Variants in RALGPS1 observed in about 807,000 individuals in gnomAD.
RALGPS1 encodes the protein ras-specific guanine nucleotide-releasing factor RalGPS1.
In RALGPS1, 19 loss-of-function variants were observed where a neutral mutation model predicts 78.8. That is an observed-to-expected ratio of 0.24 (90% CI 0.17 to 0.35). The LOEUF (loss-of-function observed/expected upper bound fraction) is 0.35, where lower values mean the gene tolerates loss of function less well. RALGPS1 is among the 10% of genes least tolerant of loss of function. RALGPS1 has a pLI of 1.00. For missense variants in RALGPS1, 454 were observed against 688.3 expected, an observed-to-expected ratio of 0.66 and a Z score of 3.81; for synonymous variants, 228 against 256.3, an observed-to-expected ratio of 0.89 and a Z score of 1.06.
At chr9:127,197,240 T>C (rs2061393558) in intron 13 of RALGPS1, among the ~76,000 whole-genome samples, 1 of 152,094 alleles carries the variant, frequency 6.6e-6, no homozygotes, top group Non-Finnish European at 1.5e-5. Flanking sequence ...CAGGCTGGTG[T>C]TGAGCTCTGG....
intron 14 of RALGPS1, among the ~76,000 whole-genome samples, chr9:127,210,033 A>C (rs1436180459): frequency 6.6e-6 from 1 of 152,316 alleles, no homozygotes; most frequent in East Asian, 1.9e-4. Flanking sequence ...AAGGAGAAAG[A>C]GGGTGCCTCC....
In RALGPS1 at chr9:127,165,975, T is replaced by C. The variant is rs968521936; in HGVS notation, c.611-94T>C. The C allele has an allele frequency of 3.5e-6, 5 of 1,441,870 alleles. No individual in the cohort carries two copies. In the African/African-American group the frequency reaches 4.3e-5, roughly 12 times the overall value. The allele number at this position is 1,441,870 out of a possible 1,614,324, so 89.3% of individuals were successfully genotyped here. A position where few individuals can be genotyped will look rare whatever the true frequency, so the allele number is the denominator to read the frequency against. ...TATCTCAGTTTTCCATAAGTCACCC[T>C]TTATATTTTTTAGCAGATCAGTACT... On this transcript the variant is annotated intron_variant, in intron 8 of 18. Transcript: ENST00000259351.
At chr9:127,174,911 C>G in intron 11 of RALGPS1, 129 bp downstream of exon 11, 1 of 759,220 alleles carries the variant, frequency 1.3e-6, no homozygotes, top group South Asian at 1.5e-5. Context: ...TATCCCTGTT[C>G]ACAGCCCTCC....
intron 8 of RALGPS1, among the ~76,000 whole-genome samples, chr9:127,133,337 A>G (rs746937633): frequency 2.5e-4 from 38 of 152,232 alleles, no homozygotes; most frequent in Non-Finnish European, 5.1e-4. Context: ...CAGGCTTCTG[A>G]CACTGGAAAC....
intron 4 of RALGPS1, among the ~76,000 whole-genome samples, chr9:126,995,697 G>C (rs370057549): frequency 6.6e-6 from 1 of 152,074 alleles, no homozygotes; most frequent in Non-Finnish European, 1.5e-5. Flanking sequence ...GACATCTACA[G>C]AACTCTCCAC....
intron 4 of RALGPS1, among the ~76,000 whole-genome samples, chr9:127,001,494 C>A (rs2043304824): frequency 6.6e-6 from 1 of 152,048 alleles, no homozygotes; most frequent in South Asian, 2.1e-4. Flanking sequence ...TGATAATATA[C>A]CATTTTATGT....
intron 13 of RALGPS1, among the ~76,000 whole-genome samples, chr9:127,197,870 G>A (rs780951374): frequency 1.3e-5 from 2 of 152,230 alleles, no homozygotes; most frequent in Non-Finnish European, 2.9e-5. Context: ...AGTCCACAGT[G>A]TCCACATTCT....
intron 4 of RALGPS1, among the ~76,000 whole-genome samples, chr9:126,983,050 C>T (rs2041469801): frequency 6.7e-6 from 1 of 148,170 alleles, no homozygotes; most frequent in South Asian, 2.2e-4. Context: ...AATTCTCCTG[C>T]CTCAGCCTCC....
chr9:126,970,037 C>G (rs997594767), intron 3 of RALGPS1, among the ~76,000 whole-genome samples: 14 of 152,186 alleles, frequency 9.2e-5, no homozygotes, highest in African/African-American at 3.4e-4. Context: ...AAAGAAAAAA[C>G]CCAGACATGA....
At chr9:127,188,556 A>G (rs1476202702) in intron 11 of RALGPS1, among the ~76,000 whole-genome samples, 1 of 152,090 alleles carries the variant, frequency 6.6e-6, no homozygotes, top group Non-Finnish European at 1.5e-5. Flanking sequence ...CTCTCCTGCC[A>G]CCAGGCTGGT....
chr9:127,172,541 C>G (rs988308168), intron 10 of RALGPS1, among the ~76,000 whole-genome samples: 1 of 152,178 alleles, frequency 6.6e-6, no homozygotes, highest in Non-Finnish European at 1.5e-5. Flanking sequence ...TCCAGGGATT[C>G]CAGGAATCCG....
intron 4 of RALGPS1, 118 bp downstream of exon 4, chr9:126,977,863 C>A: frequency 1.5e-6 from 1 of 656,304 alleles, no homozygotes; most frequent in Non-Finnish European, 2.6e-6. Context: ...TGCATGTTAT[C>A]CATTTAAACC....
chr9:127,214,129 A>ATG (rs2062441159), intron 17 of RALGPS1: 1 of 152,200 alleles, frequency 6.6e-6, no homozygotes, highest in African/African-American at 2.4e-5. Flanking sequence ...TCTTAAGGAA[A>ATG]TGTGACACAA....
intron 4 of RALGPS1, among the ~76,000 whole-genome samples, chr9:126,990,676 C>T (rs531681825): frequency 6.6e-6 from 1 of 152,352 alleles, no homozygotes; most frequent in African/African-American, 2.4e-5. Flanking sequence ...TCCTCCTTCT[C>T]ATGCTCCCTC....
At chr9:126,974,810 G>T (rs941520842) in intron 3 of RALGPS1, among the ~76,000 whole-genome samples, 1 of 152,220 alleles carries the variant, frequency 6.6e-6, no homozygotes, top group East Asian at 1.9e-4. Context: ...TTTCTGTTGA[G>T]GCTGTAACAT....
chr9:127,112,373 C>CA (rs1259835680), intron 8 of RALGPS1, among the ~76,000 whole-genome samples: 1 of 152,234 alleles, frequency 6.6e-6, no homozygotes, highest in East Asian at 1.9e-4. Flanking sequence ...CCTGCTGGGC[C>CA]AACGCCTTCT....
chr9:127,017,125 C>T (rs1339669302), intron 4 of RALGPS1, among the ~76,000 whole-genome samples: 1 of 152,144 alleles, frequency 6.6e-6, no homozygotes, highest in East Asian at 1.9e-4. Context: ...CTTGGATATA[C>T]AGTCATATGT....
At chr9:127,204,966 G>A (rs1441401659) in intron 14 of RALGPS1, among the ~76,000 whole-genome samples, 1 of 152,206 alleles carries the variant, frequency 6.6e-6, no homozygotes, top group Non-Finnish European at 1.5e-5. Flanking sequence ...CTCTGGAGGC[G>A]ATCCCGCAGG....
Position 127,177,546 on chromosome 9 carries a change from T to TGCCTCA in RALGPS1, c.910+2798_910+2803dup, listed in dbSNP as rs201665675. Among the ~76,000 whole-genome samples, 1,457 of 152,164 alleles carry TGCCTCA rather than the reference T, an allele frequency of 9.6e-3. 24 individuals carry two copies. Among genetic ancestry groups the TGCCTCA allele is most frequent in the African/African-American group, 0.031 (1,306 of 41,478 alleles). ...CTCCCTGAGGAAGAGCCCAGGGCCC[T>TGCCTCA]GCCTCAGCCTCAGCCTCAGCCTCAG... On this transcript the variant is annotated intron_variant, in intron 11 of 18. Coordinates refer to ENST00000259351, the MANE Select transcript of RALGPS1 (RefSeq NM_014636.3).
Sources: gnomAD v4.1 joint callset for allele counts (sites outside exome capture counted in the v4.1 genomes callset) on GRCh38, gnomAD v4.1.1 for gene constraint, MANE v1.5 for transcripts, NCBI Gene and HGNC (gene_info 2026-07-23, HGNC 2026-07-21) for gene names.